Variants in SYT16 observed in about 807,000 individuals in gnomAD.
SYT16 encodes the protein synaptotagmin 16.
Under a neutral mutation model 61.4 loss-of-function variants are expected in SYT16, and 42 were observed. That is an observed-to-expected ratio of 0.68 (90% CI 0.53 to 0.89). The LOEUF (loss-of-function observed/expected upper bound fraction) is 0.89. Ranked by LOEUF, SYT16 falls within the 40% of genes least tolerant of loss-of-function variation. SYT16 has a pLI of 0.00. For missense variants in SYT16, 804 were observed against 807.3 expected, an observed-to-expected ratio of 1.00 and a Z score of 0.05; for synonymous variants, 314 against 302.3, an observed-to-expected ratio of 1.04 and a Z score of -0.40.
At chr14:61,958,663 G>C (rs2050982710) in intron 1 of SYT16, among the ~76,000 whole-genome samples, 1 of 151,954 alleles carries the variant, frequency 6.6e-6, no homozygotes, top group South Asian at 2.1e-4. Flanking sequence ...ATTGTTTTGT[G>C]ACCTAGCATG....
At chr14:61,843,086 A>T (rs1382082772) in intron 1 of SYT16, among the ~76,000 whole-genome samples, 1 of 151,854 alleles carries the variant, frequency 6.6e-6, no homozygotes, top group African/African-American at 2.4e-5. Context: ...CTTTTTTTTT[A>T]AGGTATATAC....
chr14:61,919,338 G>A (rs1464462287), intron 1 of SYT16, among the ~76,000 whole-genome samples: 1 of 152,190 alleles, frequency 6.6e-6, no homozygotes, highest in Non-Finnish European at 1.5e-5. Flanking sequence ...TCTTATTGCT[G>A]ATGTAACAAA....
chr14:61,966,394 C>T (rs2051316207), intron 1 of SYT16, among the ~76,000 whole-genome samples: 1 of 152,004 alleles, frequency 6.6e-6, no homozygotes, highest in South Asian at 2.1e-4. Context: ...TAAGATTGAA[C>T]ATTATCATCA....
At chr14:62,054,360 G>GTTGTTGTTTTTTTTT (rs1411904235) in intron 3 of SYT16, among the ~76,000 whole-genome samples, 10 of 118,268 alleles carry the variant, frequency 8.5e-5, no homozygotes, top group Non-Finnish European at 3.4e-5. Flanking sequence ...AGTGAAGTGA[G>GTTGTTGTTTTTTTTT]TTTTTTTTTT....
chr14:61,870,022 T>G (rs868695332), intron 1 of SYT16, among the ~76,000 whole-genome samples: 9 of 152,334 alleles, frequency 5.9e-5, no homozygotes, highest in Admixed American at 4.6e-4. Flanking sequence ...CTTCTAAGTA[T>G]ATTAAAAATA....
At chr14:61,875,664 A>T (rs1477614663) in intron 1 of SYT16, among the ~76,000 whole-genome samples, 1 of 152,192 alleles carries the variant, frequency 6.6e-6, no homozygotes, top group Non-Finnish European at 1.5e-5. Flanking sequence ...GTCAGCCTGT[A>T]GAGCTGGGTT....
rs529391943 is a variant in SYT16 at position 62,033,798 on chromosome 14, C to A, written c.524-35805C>A. Among the ~76,000 whole-genome samples the A allele has an allele frequency of 1.2e-4, 18 of 152,120 alleles. No homozygotes were observed. In the South Asian group the frequency reaches 3.3e-3, roughly 28 times the overall value. ...TAAATCTTCATGACTTTGGGTTATG[C>A]AAAGCCATATTAGATATAACACTAA... On this transcript the variant is annotated intron_variant, in intron 3 of 7. Transcript: ENST00000683842.
In SYT16 at chr14:61,973,934, G is replaced by A. The variant is rs532112587; in HGVS notation, c.-145+3623G>A. ...GGAGGACAGATGTGGGACCCAGTCA[G>A]GCCGGTTGTGATAAGAAGGTTGGAA... On this transcript the variant is annotated intron_variant, in intron 2 of 7. Coordinates refer to ENST00000683842, the MANE Select transcript of SYT16 (RefSeq NM_001367656.1). Among the ~76,000 whole-genome samples the A allele has an allele frequency of 4.6e-5, 7 of 152,292 alleles. No individual in the cohort carries two copies. In the South Asian group the frequency reaches 6.2e-4, roughly 14 times the overall value.
intron 3 of SYT16, among the ~76,000 whole-genome samples, chr14:62,023,086 G>A (rs1028049302): frequency 6.6e-6 from 1 of 152,000 alleles, no homozygotes; most frequent in Non-Finnish European, 1.5e-5. Flanking sequence ...TTTTCAGTAA[G>A]CCCAGTAATT....
intron 5 of SYT16, among the ~76,000 whole-genome samples, chr14:62,077,861 G>A (rs1451407012): frequency 6.6e-6 from 1 of 152,130 alleles, no homozygotes; most frequent in Non-Finnish European, 1.5e-5. Context: ...GGACAGTCAG[G>A]AGCTCTACCC....
intron 1 of SYT16, among the ~76,000 whole-genome samples, chr14:61,890,620 T>A (rs2048088995): frequency 6.6e-6 from 1 of 152,108 alleles, no homozygotes; most frequent in African/African-American, 2.4e-5. Context: ...CATCTAGATT[T>A]TTATAGAGTC....
At chr14:62,087,802 A>G (rs1174387410) in intron 7 of SYT16, among the ~76,000 whole-genome samples, 1 of 152,182 alleles carries the variant, frequency 6.6e-6, no homozygotes, top group Non-Finnish European at 1.5e-5. Flanking sequence ...TAGAAGAAAT[A>G]AGCCACTGAG....
At chr14:61,948,636 T>C (rs946690213) in intron 1 of SYT16, among the ~76,000 whole-genome samples, 4 of 152,260 alleles carry the variant, frequency 2.6e-5, no homozygotes, top group African/African-American at 9.6e-5. Flanking sequence ...CTGGTAGAGA[T>C]ATACGTGCCA....
intron 1 of SYT16, among the ~76,000 whole-genome samples, chr14:61,838,113 C>T (rs966013705): frequency 2.0e-5 from 3 of 152,164 alleles, no homozygotes; most frequent in African/African-American, 7.2e-5. Context: ...TGTACTTTTC[C>T]TGGGGATTGG....
At chr14:62,068,963 T>A (rs557038172) in intron 3 of SYT16, among the ~76,000 whole-genome samples, 1 of 152,192 alleles carries the variant, frequency 6.6e-6, no homozygotes, top group African/African-American at 2.4e-5. Context: ...GCCTGGCTAA[T>A]TTTTGTATTT....
At chr14:61,843,372 A>T (rs967400464) in intron 1 of SYT16, among the ~76,000 whole-genome samples, 1 of 152,098 alleles carries the variant, frequency 6.6e-6, no homozygotes, top group African/African-American at 2.4e-5. Context: ...AACTTTGTTG[A>T]TTGTTTCCTT....
intron 1 of SYT16, among the ~76,000 whole-genome samples, chr14:61,929,694 G>A (rs559269350): frequency 1.3e-5 from 2 of 152,272 alleles, no homozygotes; most frequent in Non-Finnish European, 2.9e-5. Flanking sequence ...GCTGAGTTTG[G>A]GTAATCAAAT....
chr14:61,863,432 G>A (rs970218054), intron 1 of SYT16, among the ~76,000 whole-genome samples: 4 of 152,126 alleles, frequency 2.6e-5, no homozygotes, highest in Non-Finnish European at 5.9e-5. Flanking sequence ...TGTTTGTAAA[G>A]CTCTTTGGCC....
intron 1 of SYT16, among the ~76,000 whole-genome samples, chr14:61,871,630 T>C (rs1294432783): frequency 1.3e-5 from 2 of 152,194 alleles, no homozygotes; most frequent in Admixed American, 6.5e-5. Flanking sequence ...AAACCATTAT[T>C]TTATATATTT....
Sources: gnomAD v4.1 joint callset for allele counts (sites outside exome capture counted in the v4.1 genomes callset) on GRCh38, gnomAD v4.1.1 for gene constraint, MANE v1.5 for transcripts, NCBI Gene and HGNC (gene_info 2026-07-23, HGNC 2026-07-21) for gene names.